The following OXR1 variants were observed in gnomAD, a reference collection of about 807,000 sequenced individuals.
OXR1 encodes the protein oxidation resistance protein 1.
A neutral mutation model predicts 104.6 loss-of-function variants in OXR1; 41 were observed. The observed-to-expected ratio is 0.39, with a 90% CI of 0.31 to 0.51. The LOEUF (loss-of-function observed/expected upper bound fraction) is 0.51, where lower values mean the gene tolerates loss of function less well. Among genes scored for constraint, OXR1 ranks in the 20% least tolerant of loss-of-function variants. The pLI is 0.77. For missense variants in OXR1, 955 were observed against 1,031.9 expected (o/e 0.93, Z 1.02); for synonymous variants, 348 against 348.4 (o/e 1.00, Z 0.01).
At chr8:106,385,832 C>A (rs1487655062) in intron 2 of OXR1, among the ~76,000 whole-genome samples, 1 of 152,060 alleles carries the variant, frequency 6.6e-6, no homozygotes, top group African/African-American at 2.4e-5. Context: ...CACTTGATAT[C>A]CACCCTGCTC....
intron 3 of OXR1, among the ~76,000 whole-genome samples, chr8:106,648,500 A>G (rs944272209): frequency 6.6e-6 from 1 of 152,148 alleles, no homozygotes; most frequent in Admixed American, 6.5e-5. Context: ...CCTAGTTTTC[A>G]TGTCATTTTT....
intron 1 of OXR1, among the ~76,000 whole-genome samples, chr8:106,292,050 A>G (rs975129041): frequency 6.6e-6 from 1 of 152,174 alleles, no homozygotes; most frequent in Non-Finnish European, 1.5e-5. Context: ...GAAATCTGCC[A>G]TCTTGCTGTG....
rs1234127421 is a variant in OXR1, at chr8:106,752,528, GGGAA to G, written c.*1588_*1591del. ...ATATAGATTAAATGTTTACAATATA[GGGAA>G]TTGTAAATAAATATATCAGTTTTTT... On this transcript the variant is annotated 3_prime_UTR_variant, in exon 17 of 17. Coordinates refer to ENST00000517566, the MANE Select transcript of OXR1 (RefSeq NM_001198533.2). The G allele has an allele frequency of 2.0e-5, 3 of 152,392 alleles. No homozygotes were observed. The highest frequency in any genetic ancestry group is 6.6e-5 in the Admixed American group (1 of 15,258). 9.4% of individuals were successfully genotyped at this position (152,392 alleles called of 1,614,324 possible).
intron 7 of OXR1, among the ~76,000 whole-genome samples, chr8:106,698,287 T>TA (rs940922935): frequency 3.3e-5 from 5 of 152,224 alleles, no homozygotes. Flanking sequence ...GGTGTTCTGT[T>TA]AAAAAATGTG....
chr8:106,464,926 A>G (rs1293065175), intron 2 of OXR1, among the ~76,000 whole-genome samples: 1 of 151,944 alleles, frequency 6.6e-6, no homozygotes, highest in African/African-American at 2.4e-5. Context: ...GCATTTATTG[A>G]GTAGTTACTA....
At chr8:106,560,048 G>A (rs956079092) in intron 3 of OXR1, among the ~76,000 whole-genome samples, 5 of 152,082 alleles carry the variant, frequency 3.3e-5, no homozygotes, top group African/African-American at 1.2e-4. Context: ...CATTTCAAAA[G>A]ACATCATGGG....
intron 3 of OXR1, among the ~76,000 whole-genome samples, chr8:106,625,421 A>G (rs1822067086): frequency 6.6e-6 from 1 of 152,210 alleles, no homozygotes; most frequent in Non-Finnish European, 1.5e-5. Flanking sequence ...CTAAGGGCTC[A>G]TTATTGCTCA....
intron 2 of OXR1, among the ~76,000 whole-genome samples, chr8:106,389,269 A>G: frequency 6.6e-6 from 1 of 152,196 alleles, no homozygotes; most frequent in East Asian, 1.9e-4. Flanking sequence ...ATACATTTTG[A>G]AAAACTGCCC....
intron 16 of OXR1, among the ~76,000 whole-genome samples, chr8:106,750,420 G>C (rs1835798570): frequency 6.6e-6 from 1 of 150,932 alleles, no homozygotes; most frequent in African/African-American, 2.4e-5. Flanking sequence ...CCGCCTCCTG[G>C]GTTCAAGTGC....
intron 3 of OXR1, among the ~76,000 whole-genome samples, chr8:106,561,764 G>A (rs1163991405): frequency 2.6e-5 from 4 of 152,204 alleles, no homozygotes; most frequent in African/African-American, 9.6e-5. Context: ...CTGGGACGAA[G>A]CTTCCAGAGG....
chr8:106,428,093 G>A (rs924520311), intron 2 of OXR1, among the ~76,000 whole-genome samples: 12 of 152,136 alleles, frequency 7.9e-5, no homozygotes, highest in African/African-American at 2.9e-4. Context: ...ATAGTTATAA[G>A]CAATGGCTTA....
At chr8:106,715,110 A>G (rs139905835) in intron 11 of OXR1, among the ~76,000 whole-genome samples, 1 of 152,138 alleles carries the variant, frequency 6.6e-6, no homozygotes, top group Non-Finnish European at 1.5e-5. Context: ...TTGAATACTT[A>G]CAGAATTCCA....
chr8:106,710,925 A>G (rs1831622494), intron 10 of OXR1, 135 bp downstream of exon 10: 2 of 528,282 alleles, frequency 3.8e-6, no homozygotes, highest in East Asian at 7.1e-5. Context: ...TCTATTTGAA[A>G]CCATTTTGCC....
chr8:106,455,504 C>T (rs1820552263), intron 2 of OXR1, among the ~76,000 whole-genome samples: 1 of 152,156 alleles, frequency 6.6e-6, no homozygotes, highest in Non-Finnish European at 1.5e-5. Flanking sequence ...AAACTGTCTT[C>T]TCATTTCATT....
intron 1 of OXR1, among the ~76,000 whole-genome samples, chr8:106,315,375 A>T (rs1277083087): frequency 6.6e-6 from 1 of 152,110 alleles, no homozygotes; most frequent in Admixed American, 6.6e-5. Context: ...TTTATTTGTC[A>T]TTGAAATTAA....
chr8:106,443,664 C>T (rs1586649035), intron 2 of OXR1, among the ~76,000 whole-genome samples: 1 of 152,050 alleles, frequency 6.6e-6, no homozygotes, highest in African/African-American at 2.4e-5. Context: ...TGTTATAATG[C>T]CCTTCTTTGT....
chr8:106,356,520 T>G (rs1197379744), intron 1 of OXR1, among the ~76,000 whole-genome samples: 1 of 152,128 alleles, frequency 6.6e-6, no homozygotes, highest in Non-Finnish European at 1.5e-5. Flanking sequence ...CTATCTAAGA[T>G]TCTAGGATCC....
chr8:106,474,460 G>A (rs559209708), intron 2 of OXR1, among the ~76,000 whole-genome samples: 1 of 151,766 alleles, frequency 6.6e-6, no homozygotes, highest in African/African-American at 2.4e-5. Flanking sequence ...AATGATAGCT[G>A]CAATTCTAAA....
chr8:106,315,291 A>G (rs1223045243), intron 1 of OXR1, among the ~76,000 whole-genome samples: 2 of 152,162 alleles, frequency 1.3e-5, no homozygotes, highest in African/African-American at 4.8e-5. Context: ...TAACTTATAT[A>G]AAACACATAG....
Sources: allele counts gnomAD v4.1 joint callset (sites outside exome capture counted in the v4.1 genomes callset), GRCh38; gene constraint gnomAD v4.1.1; transcripts MANE v1.5; gene names NCBI Gene and HGNC (gene_info 2026-07-23, HGNC 2026-07-21).